The following TAF1 variants were observed in gnomAD, a reference collection of about 807,000 sequenced individuals.
The protein encoded by TAF1 is transcription initiation factor TFIID subunit 1.
TAF1 carries 2 observed loss-of-function variants against 138.5 expected under a neutral mutation model. The ratio of observed to expected loss-of-function variants is 0.01; its 90% CI spans 0.01 to 0.05. The LOEUF (loss-of-function observed/expected upper bound fraction) is 0.05, where lower values mean the gene tolerates loss of function less well. Among genes scored for constraint, TAF1 ranks in the 10% least tolerant of loss-of-function variants. The probability of loss-of-function intolerance (pLI) is 1.00; values close to 1 mark genes in which losing one functional copy is unlikely to be tolerated. For synonymous variants in TAF1, 437 were observed against 503.2 expected, an observed-to-expected ratio of 0.87 and a Z score of 1.76; for missense variants, 709 against 1,478.0, an observed-to-expected ratio of 0.48 and a Z score of 8.53.
In TAF1 at chrX:71,366,400, A is replaced by G. The variant is rs1602417402; in HGVS notation, c.26A>G (p.Asp9Gly). The change falls in exon 1 of 38, where the codon GAT (aspartate) becomes GGT (glycine). Residue 9 changes from aspartate to glycine, a missense_variant. By Grantham distance (94) the Asp-to-Gly change is moderately conservative. Around this residue, in one of 14 missense-constraint regions of TAF1, gnomAD observed 123 missense variants for 161.6 expected, o/e 0.76. Transcript: ENST00000423759. MSDTDSDE[D>G]SAGGGPFSLA... is the part of the protein sequence containing the mutation. ...ATGTCAGACACGGACAGCGACGAAG[A>G]TTCCGCTGGAGGCGGCCCATTTTCT... 8.3e-7 allele frequency: 1 copy of G among 1,208,089 alleles called. No individual in the cohort carries two copies. The highest frequency in any genetic ancestry group is 3.0e-5 in the East Asian group (1 of 33,651).
chrX:71,380,524 A>G (rs1286896421), intron 8 of TAF1, among the ~76,000 whole-genome samples: 5 of 111,074 alleles, frequency 4.5e-5, no homozygotes, highest in Admixed American at 1.9e-4. Context: ...CAGCCTCCCG[A>G]GTAGCCAAGA....
At chrX:71,373,007 C>T (rs1269989481) in intron 3 of TAF1, among the ~76,000 whole-genome samples, 1 of 109,656 alleles carries the variant, frequency 9.1e-6, no homozygotes, top group Non-Finnish European at 1.9e-5. Flanking sequence ...GCTGGGACTA[C>T]AGGCACCCAC....
chrX:71,493,745 G>A (rs2039341941), intron 13 of TAF1, among the ~76,000 whole-genome samples: 1 of 111,710 alleles, frequency 9.0e-6, no homozygotes, highest in Non-Finnish European at 1.9e-5. Context: ...CACTTTAGGA[G>A]GCAGAGGTGG....
At chrX:71,398,938 T>C (rs1460038258) in intron 24 of TAF1, among the ~76,000 whole-genome samples, 1 of 111,582 alleles carries the variant, frequency 9.0e-6, no homozygotes, top group Non-Finnish European at 1.9e-5. Flanking sequence ...CTGGTGCTAT[T>C]GTTCTCTCTC....
chrX:71,453,599 A>T (rs868400123), intron 32 of TAF1, among the ~76,000 whole-genome samples: 5 of 110,679 alleles, frequency 4.5e-5, no homozygotes, highest in Admixed American at 3.8e-4. Context: ...ACATATCATT[A>T]TCACCCCAAG....
At chrX:71,392,492 AT>A in intron 18 of TAF1, 76 bp from the exon 19 acceptor site, 2 of 1,050,262 alleles carry the variant, frequency 1.9e-6, no homozygotes. Flanking sequence ...GTTTGTAATT[AT>A]TCTACTCTTG....
intron 33 of TAF1, 70 bp from the exon 34 acceptor site, chrX:71,454,671 C>CT: frequency 1.1e-6 from 1 of 923,272 alleles, no homozygotes; most frequent in Non-Finnish European, 1.5e-6. Flanking sequence ...ATATTTTTGT[C>CT]TTTTGTTTAC....
At chrX:71,392,330 C>T (rs1190694956) in intron 18 of TAF1, among the ~76,000 whole-genome samples, 2 of 111,229 alleles carry the variant, frequency 1.8e-5, no homozygotes, top group South Asian at 3.8e-4. Flanking sequence ...GAGCTCTTGA[C>T]CTCTATTTAA....
intron 13 of TAF1, among the ~76,000 whole-genome samples, chrX:71,496,802 T>C (rs1279325284): frequency 1.8e-5 from 2 of 111,766 alleles, no homozygotes; most frequent in African/African-American, 6.5e-5. Context: ...TTTCTTTCTC[T>C]GTCTCTCTCT....
intron 33 of TAF1, 87 bp downstream of exon 33, chrX:71,454,324 T>A: frequency 1.2e-6 from 1 of 840,376 alleles, no homozygotes. Context: ...TAGTGGGGTC[T>A]GGTGGTACAC....
chrX:71,396,200 T>C (rs1425336779), intron 22 of TAF1, among the ~76,000 whole-genome samples: 1 of 109,716 alleles, frequency 9.1e-6, no homozygotes, highest in African/African-American at 3.3e-5. Flanking sequence ...GTGATTCCTA[T>C]TCATATTAAT....
chrX:71,400,522 A>G (rs1438615738), intron 24 of TAF1, among the ~76,000 whole-genome samples: 1 of 112,211 alleles, frequency 8.9e-6, no homozygotes, highest in Non-Finnish European at 1.9e-5. Context: ...GTTGTTTTCC[A>G]TAACTTAGGA....
intron 25 of TAF1, among the ~76,000 whole-genome samples, chrX:71,405,090 G>A (rs2035393373): frequency 1.9e-5 from 2 of 107,065 alleles, no homozygotes; most frequent in African/African-American, 6.8e-5. Context: ...CCGAGTAGCT[G>A]GGATTACAGG....
chrX:71,501,529 A>T (rs2039507259), intron 13 of TAF1, among the ~76,000 whole-genome samples: 1 of 111,469 alleles, frequency 9.0e-6, no homozygotes, highest in Non-Finnish European at 1.9e-5. Flanking sequence ...GATAGATAGG[A>T]TAGATGGGCG....
At chrX:71,506,477 G>T (rs972174500) in intron 13 of TAF1, among the ~76,000 whole-genome samples, 3 of 108,144 alleles carry the variant, frequency 2.8e-5, no homozygotes, top group Non-Finnish European at 5.7e-5. Flanking sequence ...GAGGTCAGGA[G>T]ATCAAGATCA....
chrX:71,383,463 T>G (rs779492758), intron 12 of TAF1, among the ~76,000 whole-genome samples: 2 of 112,500 alleles, frequency 1.8e-5, no homozygotes, highest in East Asian at 5.5e-4. Context: ...GTGTTCATAG[T>G]ACAGTCGTCC....
chrX:71,456,678 T>C (rs1323588530), intron 34 of TAF1, among the ~76,000 whole-genome samples: 1 of 40,795 alleles, frequency 2.5e-5, no homozygotes, highest in African/African-American at 8.3e-5. Context: ...TTTTTTTTTT[T>C]TTTTTTTTTT....
intron 24 of TAF1, 105 bp from the exon 25 acceptor site, chrX:71,401,423 A>G (rs1436838326): frequency 4.7e-5 from 46 of 988,712 alleles, no homozygotes; most frequent in Non-Finnish European, 6.4e-5. Flanking sequence ...CCTGGAACCA[A>G]TCCCCTGCAT....
chrX:71,417,867 C>CT (rs755645404), intron 28 of TAF1, among the ~76,000 whole-genome samples: 1 of 111,230 alleles, frequency 9.0e-6, no homozygotes, highest in Non-Finnish European at 1.9e-5. Flanking sequence ...TACTAATACT[C>CT]TATTTTTAAA....
Sources: gnomAD v4.1 joint callset for allele counts (sites outside exome capture counted in the v4.1 genomes callset) on GRCh38, gnomAD v4.1.1 for gene constraint, gnomAD v4.1.1 regional missense constraint, MANE v1.5 for transcripts, NCBI Gene and HGNC (gene_info 2026-07-23, HGNC 2026-07-21) for gene names.